MAN2C1: variants seen among roughly 807,000 people sequenced by gnomAD.
MAN2C1 encodes mannosidase alpha class 2C member 1, also known as alpha-mannosidase 2C1.
Under a neutral mutation model 126.9 loss-of-function variants are expected in MAN2C1, and 111 were observed. The ratio of observed to expected loss-of-function variants is 0.87; its 90% confidence interval spans 0.75 to 1.02. The LOEUF is 1.02. Ranked by LOEUF, MAN2C1 falls within the 50% of genes least tolerant of loss-of-function variation. The pLI, the probability that MAN2C1 is intolerant of heterozygous loss-of-function variation, is 0.00. For synonymous variants in MAN2C1, 567 were observed against 561.5 expected (o/e 1.01, Z -0.14); for missense variants, 1,363 against 1,364.4 (o/e 1.00, Z 0.02).
Position 75,361,419 on chromosome 15 carries a change from G to C in MAN2C1, c.1219-38C>G. 2 of 1,498,394 alleles carry C rather than the reference G, an allele frequency of 1.3e-6. No homozygotes were observed. Among genetic ancestry groups the C allele is most frequent in the Non-Finnish European group, 1.8e-6 (2 of 1,089,898 alleles). The allele number at this position is 1,498,394 out of a possible 1,614,324, so 92.8% of individuals were successfully genotyped here. On this transcript the variant is annotated intron_variant, in intron 10 of 25. Transcript: ENST00000267978. The surrounding 1 kb of genome is among the most constrained non-coding windows in gnomAD (Gnocchi z 5.0). ...AAACAGAAGCAGGGCAGAGAGGCCAGAGTCAGGGCTGAGGCAGAGCCAGGC... is the reference window on the plus strand; with the variant it reads ...AAACAGAAGCAGGGCAGAGAGGCCACAGTCAGGGCTGAGGCAGAGCCAGGC...
chr15:75,368,267 G>A, intron 1 of MAN2C1, 69 bp from the exon 2 acceptor site: 6 of 1,532,254 alleles, frequency 3.9e-6, no homozygotes, highest in South Asian at 3.6e-5. Flanking sequence ...CAGCTGGCCG[G>A]TGGGGCCGCA....
At chr15:75,366,105 G>A (rs1260528265) in intron 4 of MAN2C1, 2 of 314,662 alleles carry the variant, frequency 6.4e-6, no homozygotes, top group Non-Finnish European at 1.2e-5. Flanking sequence ...GAACATGAAT[G>A]CTGAGATGTT....
chr15:75,356,331 T>C lies in MAN2C1; in HGVS notation c.2856A>G (p.Ser952=). The C allele has an allele frequency of 6.2e-7, 1 of 1,610,944 alleles. No individual in the cohort carries two copies. Among genetic ancestry groups the C allele is most frequent in the Non-Finnish European group, 8.5e-7 (1 of 1,179,194 alleles). Residue 952 remains serine (S), a synonymous_variant, in exon 24 of 26, where the codon TCA becomes TCG. Transcript: ENST00000267978. This position sits in a 1 kb window ranked among gnomAD's most constrained non-coding sequence, Gnocchi z 5.8. ...ATSWSAFSVS[S]PAVVLETVKQ... ...TGACGGTCTCCAATACGACCGCGGG[T>C]GAAGACACGGAAAACGCACTCCAGG...
rs1164719287 is a variant in MAN2C1, at chr15:75,364,512, C to T, written c.576G>A (p.Leu192=). 1 of 1,599,764 alleles carries T rather than the reference C, an allele frequency of 6.3e-7. No individual in the cohort carries two copies. The highest frequency in any genetic ancestry group is 2.3e-5 in the East Asian group (1 of 44,096). The change falls in exon 5 of 26, where the codon CTG becomes CTA. Residue 192 remains leucine, a synonymous_variant. Transcript: ENST00000267978. ...CCTTGGCTATGCCCAGCAGCAGCTC[C>T]AGATCCACCAGGAGCATGTGGACAT... ...HRDVHMLLVD[L]ELLLGIAKGL... is the part of the protein sequence containing the mutation.
Position 75,362,056 on chromosome 15 carries a change from G to A in MAN2C1, c.1009-109C>T. Reference sequence around the variant, plus strand: ...GGAGAAGCCAGGGCTGCTCAAACATGGGAGTTACAGCCAGAACTCAGGAAG... The same window carrying A: ...GGAGAAGCCAGGGCTGCTCAAACATAGGAGTTACAGCCAGAACTCAGGAAG... On this transcript the variant is annotated intron_variant, in intron 8 of 25. Transcript: ENST00000267978. The surrounding 1 kb of genome is among the most constrained non-coding windows in gnomAD (Gnocchi z 4.5). 1.2e-6 allele frequency: 1 copy of A among 849,416 alleles called. No individual in the cohort carries two copies. The highest frequency in any genetic ancestry group is 2.0e-6 in the Non-Finnish European group (1 of 512,794). 52.6% of individuals were successfully genotyped at this position (849,416 alleles called of 1,614,324 possible).
At chr15:75,360,768 C>G (rs2072450839) in intron 12 of MAN2C1, 80 bp from the exon 13 acceptor site, 2 of 1,551,388 alleles carry the variant, frequency 1.3e-6, no homozygotes, top group South Asian at 1.2e-5. Context: ...GCAAAGGATC[C>G]AGCTCCTACA....
At chr15:75,363,272 GA>G (rs2072512367) in intron 6 of MAN2C1, 1 of 456,016 alleles carries the variant, frequency 2.2e-6, no homozygotes, top group Non-Finnish European at 4.4e-6. Flanking sequence ...GGCTGCATCA[GA>G]ATCAATACCT....
intron 2 of MAN2C1, 157 bp downstream of exon 2, chr15:75,367,916 A>T: frequency 9.5e-7 from 1 of 1,056,896 alleles, no homozygotes; most frequent in Non-Finnish European, 1.3e-6. Context: ...GGGACCAGAG[A>T]GCTGTTCCCA....
At chr15:75,358,058 G>A (rs1292717279) in intron 21 of MAN2C1, 143 bp downstream of exon 21, 1 of 1,055,968 alleles carries the variant, frequency 9.5e-7, no homozygotes, top group South Asian at 1.5e-5. Context: ...CCTTGCCAAT[G>A]TAAAGCATTT....
rs536413659 is a variant in MAN2C1 at position 75,356,738 on chromosome 15, C to T, written c.2658-53G>A. 1.4e-5 allele frequency: 23 copies of T among 1,612,228 alleles called. No individual in the cohort carries two copies. Among genetic ancestry groups the T allele is most frequent in the East Asian group, 4.5e-5 (2 of 44,858 alleles). ...ACGCTGAAGCTGTTGGAGTTGTGGT[C>T]GGGAAGACCCATTTCTCCATGCCAG... On this transcript the variant is annotated intron_variant, in intron 22 of 25. Transcript: ENST00000267978. The surrounding 1 kb of genome is among the most constrained non-coding windows in gnomAD (Gnocchi z 5.8).
chr15:75,361,001 A>T lies in MAN2C1; in HGVS notation c.1460+45T>A. On this transcript the variant is annotated intron_variant, in intron 12 of 25. Transcript: ENST00000267978. The surrounding 1 kb of genome is among the most constrained non-coding windows in gnomAD (Gnocchi z 5.0). ...TCTGAGGGAAGGCAGGGCTCATGGCAAGGGCCCAGGGTGGGGCTAAAGGAG... is the reference window on the plus strand; with the variant it reads ...TCTGAGGGAAGGCAGGGCTCATGGCTAGGGCCCAGGGTGGGGCTAAAGGAG... 1 of 1,577,940 alleles carries T rather than the reference A, an allele frequency of 6.3e-7. No homozygotes were observed. Among genetic ancestry groups the T allele is most frequent in the Non-Finnish European group, 8.6e-7 (1 of 1,161,540 alleles).
At chr15:75,366,359 A>C (rs1348533239) in intron 4 of MAN2C1, among the ~76,000 whole-genome samples, 163 bp downstream of exon 4, 1 of 152,068 alleles carries the variant, frequency 6.6e-6, no homozygotes, top group Non-Finnish European at 1.5e-5. Flanking sequence ...CATTATTTTT[A>C]TGGTTAGGAA....
chr15:75,363,495 G>A (rs747995758), intron 6 of MAN2C1, among the ~76,000 whole-genome samples: 13 of 152,132 alleles, frequency 8.5e-5, no homozygotes, highest in Non-Finnish European at 1.2e-4. Context: ...GCCCCATGAG[G>A]CATCAGATTT....
At position 75,358,190 on chromosome 15, in the gene MAN2C1, C is replaced by T. The variant is rs893358342; in HGVS notation, c.2547+11G>A. On this transcript the variant is annotated intron_variant, in intron 21 of 25. Coordinates refer to ENST00000267978, the MANE Select transcript of MAN2C1 (RefSeq NM_006715.4). The stretch of plus-strand genomic sequence containing the variant: ...GGAGTCCAAGGCCACTCCCACCCTG[C>T]CATGTCAGACCTCAAATCGAGCCCA... 2 of 1,614,024 alleles carry T rather than the reference C, an allele frequency of 1.2e-6. No homozygotes were observed. The highest frequency in any genetic ancestry group is 2.7e-5 in the African/African-American group (2 of 75,064).
chr15:75,356,038 G>C lies in MAN2C1; in HGVS notation c.2997-6C>G, dbSNP rs2072281933. The C allele has an allele frequency of 6.2e-7, 1 of 1,613,926 alleles. No individual in the cohort carries two copies. Among genetic ancestry groups the C allele is most frequent in the Non-Finnish European group, 8.5e-7 (1 of 1,179,916 alleles). On this transcript the variant is annotated splice_polypyrimidine_tract_variant and splice_region_variant and intron_variant, in intron 25 of 25. Coordinates refer to ENST00000267978, the MANE Select transcript of MAN2C1 (RefSeq NM_006715.4). The surrounding 1 kb of genome is among the most constrained non-coding windows in gnomAD (Gnocchi z 5.8). ...GTCGCTCCAAGAGATCGCAGCTGGA[G>C]AACAGGAGGGGCCATGAAGGCTCTG... is the stretch of plus-strand genomic sequence containing the variant.
chr15:75,363,852 G>T (rs2072524113), intron 6 of MAN2C1, 147 bp downstream of exon 6: 2 of 817,378 alleles, frequency 2.4e-6, no homozygotes, highest in Admixed American at 2.9e-5. Context: ...CCACAGTCCA[G>T]CCCCCCGGCC....
Position 75,358,450 on chromosome 15 carries a change from C to A in MAN2C1, c.2403+12G>T, listed in dbSNP as rs187023048. 69 of 1,613,148 alleles carry A rather than the reference C, an allele frequency of 4.3e-5. No homozygotes were observed. The African/African-American group carries it at 7.7e-4, about 18-fold the overall frequency. ...ACTTGGGGAAAACAGCCACCCCCTA[C>A]CCCCCGACTACCTCGGTGTGGAAGC... On this transcript the variant is annotated intron_variant, in intron 20 of 25. Coordinates refer to ENST00000267978, the MANE Select transcript of MAN2C1 (RefSeq NM_006715.4).
chr15:75,359,265 G>A (rs530837322), intron 17 of MAN2C1, 63 bp downstream of exon 17: 78 of 1,587,634 alleles, frequency 4.9e-5, no homozygotes, highest in Admixed American at 1.2e-4. Flanking sequence ...GGGAGCTCAG[G>A]ACCCTCAGTT....
chr15:75,358,226 G>T lies in MAN2C1; in HGVS notation c.2522C>A (p.Thr841Asn), dbSNP rs2072379005. ...CTCAAATCGAGCCCAGTCCCAAGAG[G>T]TATTGTAGTGGGTAGGTCGCTGCAG... The part of the protein sequence containing the change: ...GHLQRPTHYN[T>N]SWDWARFEVW... Residue 841 changes from threonine to asparagine, a missense_variant, in exon 21 of 26, where the codon ACC (threonine) becomes AAC (asparagine). By Grantham distance (65) the Thr-to-Asn change is moderately conservative. Coordinates refer to ENST00000267978, the MANE Select transcript of MAN2C1 (RefSeq NM_006715.4). 1 of 1,614,160 alleles carries T rather than the reference G, an allele frequency of 6.2e-7. No individual in the cohort carries two copies. The highest frequency in any genetic ancestry group is 8.5e-7 in the Non-Finnish European group (1 of 1,180,040).
Sources: allele counts gnomAD v4.1 joint callset (sites outside exome capture counted in the v4.1 genomes callset), GRCh38; gene constraint gnomAD v4.1.1; non-coding constraint Gnocchi (gnomAD v3.1); transcripts MANE v1.5; gene names NCBI Gene and HGNC (gene_info 2026-07-23, HGNC 2026-07-21).